DCDC1: variants seen among roughly 807,000 people sequenced by gnomAD.
The protein encoded by DCDC1 is doublecortin domain containing 1.
DCDC1 carries 200 observed loss-of-function variants against 178.3 expected under a neutral mutation model. That is an observed-to-expected ratio of 1.12 (90% CI 1.00 to 1.26). The LOEUF is 1.26. DCDC1 is among the 50% of genes most tolerant of loss of function. DCDC1 has a pLI of 0.00. For synonymous variants in DCDC1, 690 were observed against 604.8 expected, an observed-to-expected ratio of 1.14 and a Z score of -2.07; for missense variants, 1,983 against 1,749.2, an observed-to-expected ratio of 1.13 and a Z score of -2.38.
intron 23 of DCDC1, among the ~76,000 whole-genome samples, chr11:30,923,348 C>T (rs1422717860): frequency 6.7e-6 from 1 of 149,764 alleles, no homozygotes; most frequent in African/African-American, 2.5e-5. Flanking sequence ...ACCAAAATGT[C>T]AATGTGGCTA....
At chr11:31,259,758 G>T (rs948141558) in intron 8 of DCDC1, among the ~76,000 whole-genome samples, 1 of 152,172 alleles carries the variant, frequency 6.6e-6, no homozygotes, top group Non-Finnish European at 1.5e-5. Flanking sequence ...AAGAAGTTAG[G>T]TCACAGGTCA....
intron 15 of DCDC1, among the ~76,000 whole-genome samples, chr11:31,098,518 G>C (rs769479713): frequency 4.6e-5 from 7 of 152,150 alleles, no homozygotes; most frequent in Non-Finnish European, 1.0e-4. Flanking sequence ...AAATTTAAAA[G>C]AACAGTCAGG....
chr11:30,963,041 G>T (rs1464657779), intron 20 of DCDC1, among the ~76,000 whole-genome samples: 2 of 152,064 alleles, frequency 1.3e-5, no homozygotes, highest in African/African-American at 4.8e-5. Context: ...TGATAGGTAG[G>T]TTAGCTTTGG....
chr11:31,093,753 T>C (rs1957957327), intron 16 of DCDC1, among the ~76,000 whole-genome samples: 2 of 152,144 alleles, frequency 1.3e-5, no homozygotes, highest in Non-Finnish European at 2.9e-5. Context: ...TTCAGACAAA[T>C]CTCATGAAAA....
intron 17 of DCDC1, among the ~76,000 whole-genome samples, chr11:31,080,162 G>C (rs933031239): frequency 7.9e-5 from 12 of 151,966 alleles, no homozygotes; most frequent in African/African-American, 2.7e-4. Context: ...TTTTGACTTG[G>C]GGTCCAGAAC....
At chr11:31,331,801 C>T (rs184452468) in intron 2 of DCDC1, among the ~76,000 whole-genome samples, 15 of 151,864 alleles carry the variant, frequency 9.9e-5, no homozygotes, top group South Asian at 2.1e-4. Context: ...TGAGGATTTT[C>T]GCATCAATGT....
chr11:31,213,881 T>C (rs545984837), intron 9 of DCDC1, among the ~76,000 whole-genome samples: 1 of 149,782 alleles, frequency 6.7e-6, no homozygotes, highest in African/African-American at 2.5e-5. Flanking sequence ...AAAAGAAGTA[T>C]TTATTTATAT....
At chr11:30,972,520 A>G (rs75437006) in intron 20 of DCDC1, among the ~76,000 whole-genome samples, 2,866 of 152,256 alleles carry the variant, frequency 0.019, 92 homozygotes, top group African/African-American at 0.066. Flanking sequence ...AAAACATACA[A>G]AAGTATAAAA....
chr11:31,241,804 C>T (rs1977169454), intron 8 of DCDC1, 188 bp from the exon 9 acceptor site: 2 of 359,350 alleles, frequency 5.6e-6, no homozygotes, highest in Non-Finnish European at 9.9e-6. Context: ...TATATTGAGA[C>T]ACCCCCCATG....
chr11:31,300,228 G>C (rs1183439164), intron 6 of DCDC1, among the ~76,000 whole-genome samples: 6 of 152,154 alleles, frequency 3.9e-5, no homozygotes, highest in Non-Finnish European at 5.9e-5. Flanking sequence ...ACTGGCCCAG[G>C]TACACACTCT....
chr11:31,213,102 T>TCTCTCTTTCTCTCTCTC (rs1972866236), intron 9 of DCDC1, among the ~76,000 whole-genome samples: 1 of 13,002 alleles, frequency 7.7e-5, no homozygotes. Flanking sequence ...AAGCCCAGCC[T>TCTCTCTTTCTCTCTCTC]CTCTCTCTCT....
In DCDC1 at chr11:30,900,389, A is replaced by G; in HGVS notation, c.4620T>C (p.Ile1540=). The G allele has an allele frequency of 2.5e-6, 4 of 1,578,950 alleles. No individual in the cohort carries two copies. The highest frequency in any genetic ancestry group is 3.4e-6 in the Non-Finnish European group (4 of 1,161,780). The change falls in exon 33 of 39, where the codon ATT becomes ATC. Residue 1540 remains isoleucine, a synonymous_variant. Coordinates refer to ENST00000684477, the MANE Select transcript of DCDC1 (RefSeq NM_001387274.1). ...SLLTLILRNP[I]AIWVSCGEPF... ...GTTCACCACAAGACACCCAGATGGC[A>G]ATAGGATTTCTGAGGATGAGGGTAA...
chr11:30,892,861 C>T lies in DCDC1; in HGVS notation c.5039G>A (p.Arg1680Lys). The change falls in exon 36 of 39, where the codon AGA becomes AAA. Residue 1680 changes from arginine (R) to lysine (K), a missense_variant. Transcript: ENST00000684477. ...KRVWIYLNGG[R>K]PEDGTYAWGK... ...CCAGGCATAAGTGCCATCTTCAGGT[C>T]TGCCTCCATTTAGATAAATCCACAC... 1 of 1,613,898 alleles carries T rather than the reference C, an allele frequency of 6.2e-7. No homozygotes were observed. The highest frequency in any genetic ancestry group is 8.5e-7 in the Non-Finnish European group (1 of 1,179,830).
intron 8 of DCDC1, among the ~76,000 whole-genome samples, chr11:31,253,227 T>G (rs1944176488): frequency 6.6e-6 from 1 of 152,166 alleles, no homozygotes. Flanking sequence ...TTAAAAGTAT[T>G]TTCATCTCTC....
At chr11:31,319,609 A>T (rs1949256050) in intron 3 of DCDC1, among the ~76,000 whole-genome samples, 1 of 43,372 alleles carries the variant, frequency 2.3e-5, no homozygotes, top group South Asian at 7.9e-4. Context: ...TCTTTATCCA[A>T]CTTGCCAGTC....
intron 20 of DCDC1, among the ~76,000 whole-genome samples, chr11:31,043,040 C>T (rs931526132): frequency 6.6e-6 from 1 of 152,194 alleles, no homozygotes; most frequent in African/African-American, 2.4e-5. Context: ...GCCTACTATA[C>T]ATCTAGGCTA....
chr11:31,098,576 A>T (rs1248183203), intron 15 of DCDC1, among the ~76,000 whole-genome samples: 9 of 152,330 alleles, frequency 5.9e-5, no homozygotes, highest in African/African-American at 2.2e-4. Flanking sequence ...AAACATATGC[A>T]TCAAGAATAT....
intron 20 of DCDC1, among the ~76,000 whole-genome samples, chr11:30,982,948 G>A (rs924260843): frequency 1.3e-5 from 2 of 152,058 alleles, no homozygotes; most frequent in South Asian, 2.1e-4. Context: ...ATAAGGGCCC[G>A]ACCGTGCTCC....
intron 36 of DCDC1, 108 bp from the exon 37 acceptor site, chr11:30,881,416 C>A: frequency 7.4e-7 from 1 of 1,354,242 alleles, no homozygotes. Flanking sequence ...TGATTATTTG[C>A]CCACTGATAG....
Sources: gnomAD v4.1 joint callset for allele counts (sites outside exome capture counted in the v4.1 genomes callset) on GRCh38, gnomAD v4.1.1 for gene constraint, MANE v1.5 for transcripts, NCBI Gene and HGNC (gene_info 2026-07-23, HGNC 2026-07-21) for gene names.